The following EEFSEC variants were observed in gnomAD, a reference collection of about 807,000 sequenced individuals.
EEFSEC encodes the protein selenocysteine-specific elongation factor.
EEFSEC carries 43 observed loss-of-function variants against 42.1 expected under a neutral mutation model. The observed-to-expected ratio is 1.02, with a 90% CI of 0.80 to 1.32. The LOEUF (loss-of-function observed/expected upper bound fraction) is 1.32. Among genes scored for constraint, EEFSEC ranks in the 40% most tolerant of loss-of-function variants. EEFSEC has a pLI of 0.00. For synonymous variants in EEFSEC, 354 were observed against 339.1 expected (o/e 1.04, Z -0.48); for missense variants, 745 against 803.6 (o/e 0.93, Z 0.88).
chr3:128,384,941 C>T (rs1291698957), intron 6 of EEFSEC, among the ~76,000 whole-genome samples: 2 of 152,180 alleles, frequency 1.3e-5, no homozygotes, highest in Admixed American at 6.5e-5. Flanking sequence ...CCCCCAGTTG[C>T]CCCCTGCTAT....
intron 1 of EEFSEC, among the ~76,000 whole-genome samples, chr3:128,237,051 T>C (rs1474828539): frequency 6.6e-6 from 1 of 152,252 alleles, no homozygotes; most frequent in African/African-American, 2.4e-5. Context: ...GTAAACGTGC[T>C]GCGTGTGAAC....
intron 4 of EEFSEC, among the ~76,000 whole-genome samples, chr3:128,296,582 C>T (rs943151750): frequency 8.5e-5 from 13 of 152,162 alleles, no homozygotes; most frequent in African/African-American, 2.2e-4. Flanking sequence ...TGTGTCTCCT[C>T]GTCATCCGCA....
intron 6 of EEFSEC, among the ~76,000 whole-genome samples, chr3:128,405,346 G>A (rs980802726): frequency 3.3e-5 from 5 of 152,144 alleles, no homozygotes; most frequent in South Asian, 4.1e-4. Context: ...GCCAGTGCAC[G>A]ATGCTCTCAC....
At chr3:128,197,155 T>A (rs1263607081) in intron 1 of EEFSEC, among the ~76,000 whole-genome samples, 2 of 152,210 alleles carry the variant, frequency 1.3e-5, no homozygotes, top group Non-Finnish European at 2.9e-5. Flanking sequence ...GTTGTTTAGG[T>A]TGTTTCTGAT....
chr3:128,377,752 A>T (rs1402218635), intron 6 of EEFSEC, among the ~76,000 whole-genome samples: 1 of 152,274 alleles, frequency 6.6e-6, no homozygotes, highest in Non-Finnish European at 1.5e-5. Context: ...AAATGAAAAC[A>T]TCACAGACAT....
chr3:128,415,884 G>A, the EEFSEC span, among the ~76,000 whole-genome samples: 580 of 152,322 alleles, frequency 3.8e-3, 2 homozygotes, highest in African/African-American at 0.012. Context: ...GGCAGGGGAG[G>A]GGTTGGTCCT....
At chr3:128,254,144 G>T (rs1474293210) in intron 2 of EEFSEC, among the ~76,000 whole-genome samples, 1 of 152,180 alleles carries the variant, frequency 6.6e-6, no homozygotes, top group Non-Finnish European at 1.5e-5. Flanking sequence ...TTTGCTTTGT[G>T]TCGGAGTTAA....
At chr3:128,182,874 A>C (rs2065423400) in intron 1 of EEFSEC, among the ~76,000 whole-genome samples, 1 of 44,684 alleles carries the variant, frequency 2.2e-5, no homozygotes. Flanking sequence ...CCAGCCACAG[A>C]GATCGGGGCG....
At chr3:128,399,868 G>A (rs1702136) in intron 6 of EEFSEC, among the ~76,000 whole-genome samples, 51,306 of 151,882 alleles carry the variant, frequency 0.34, 9,951 homozygotes, top group African/African-American at 0.52. Context: ...CTCCGGGCCC[G>A]GGCTGCCCTG....
intron 6 of EEFSEC, among the ~76,000 whole-genome samples, chr3:128,374,598 T>C (rs146424684): frequency 6.6e-6 from 1 of 152,246 alleles, no homozygotes; most frequent in African/African-American, 2.4e-5. Flanking sequence ...AAAGGCACAC[T>C]GAATAAAAGA....
rs2067622882 is a variant in EEFSEC, at chr3:128,369,002, C to A, written c.1600+10629C>A. On this transcript the variant is annotated intron_variant, in intron 6 of 6. Coordinates refer to ENST00000254730, the MANE Select transcript of EEFSEC (RefSeq NM_021937.5). Reference sequence around the variant, plus strand: ...TGAAATCTTCCCATTCTCAGTTGGGCCACAATGTGTGGTCTCTGTGTTGGC... The same window carrying A: ...TGAAATCTTCCCATTCTCAGTTGGGACACAATGTGTGGTCTCTGTGTTGGC... Among the ~76,000 whole-genome samples, 3 of 152,232 alleles carry A rather than the reference C, an allele frequency of 2.0e-5. No individual in the cohort carries two copies. The South Asian group carries it at 6.2e-4, about 32-fold the overall frequency.
At chr3:128,291,086 T>C (rs1214901214) in intron 4 of EEFSEC, among the ~76,000 whole-genome samples, 3 of 152,158 alleles carry the variant, frequency 2.0e-5, no homozygotes, top group Admixed American at 6.6e-5. Flanking sequence ...ATACTTCTTT[T>C]ATAAACCTAT....
intron 6 of EEFSEC, among the ~76,000 whole-genome samples, chr3:128,405,559 C>A (rs527666719): frequency 6.6e-6 from 1 of 152,348 alleles, no homozygotes; most frequent in East Asian, 1.9e-4. Context: ...GGGTGGCCAA[C>A]ATCTTCAGGA....
At chr3:128,281,838 C>T (rs1378095635) in intron 4 of EEFSEC, among the ~76,000 whole-genome samples, 2 of 152,196 alleles carry the variant, frequency 1.3e-5, no homozygotes, top group Admixed American at 1.3e-4. Context: ...TTGCACTCTC[C>T]GGTTCTCAGC....
rs2066671676 is a variant in EEFSEC, at chr3:128,293,679, A to AAACAAAAAAC, written c.786+28900_786+28901insCAAAAAACAA. Among the ~76,000 whole-genome samples, 4 of 133,448 alleles carry AAACAAAAAAC rather than the reference A, an allele frequency of 3.0e-5. 1 individual carries two copies. Among genetic ancestry groups the AAACAAAAAAC allele is most frequent in the Non-Finnish European group, 3.2e-5 (2 of 63,432 alleles). 87.5% of individuals were successfully genotyped at this position (133,448 alleles called of 152,430 possible). On this transcript the variant is annotated intron_variant, in intron 4 of 6. Coordinates refer to ENST00000254730, the MANE Select transcript of EEFSEC (RefSeq NM_021937.5). ...CTATCTCAAAAAAAAAAAAAAAAAAAAAAAAAAACTTCCCTTATAGGATCA... is the reference window on the plus strand; with the variant it reads ...CTATCTCAAAAAAAAAAAAAAAAAAAAACAAAAAACAAAAAAAACTTCCCTTATAGGATCA...
At chr3:128,222,022 A>T (rs2065864662) in intron 1 of EEFSEC, among the ~76,000 whole-genome samples, 1 of 147,674 alleles carries the variant, frequency 6.8e-6, no homozygotes. Flanking sequence ...GTGTTTTTTC[A>T]AAGTTTTTTT....
intron 4 of EEFSEC, among the ~76,000 whole-genome samples, chr3:128,318,922 C>G (rs777855323): frequency 3.9e-5 from 6 of 152,166 alleles, no homozygotes; most frequent in Non-Finnish European, 8.8e-5. Flanking sequence ...GGTTTTTACC[C>G]CATTGTACCA....
intron 4 of EEFSEC, among the ~76,000 whole-genome samples, chr3:128,312,821 C>T (rs148617277): frequency 1.4e-4 from 21 of 152,350 alleles, no homozygotes; most frequent in Non-Finnish European, 2.8e-4. Flanking sequence ...AACCATTTAG[C>T]TGTATCTTTT....
At chr3:128,315,200 A>G (rs1321049228) in intron 4 of EEFSEC, among the ~76,000 whole-genome samples, 1 of 152,228 alleles carries the variant, frequency 6.6e-6, no homozygotes, top group Non-Finnish European at 1.5e-5. Flanking sequence ...GTGGGGGATA[A>G]TAAGAGTACC....
Sources: gnomAD v4.1 joint callset for allele counts (sites outside exome capture counted in the v4.1 genomes callset) on GRCh38, gnomAD v4.1.1 for gene constraint, MANE v1.5 for transcripts, NCBI Gene and HGNC (gene_info 2026-07-23, HGNC 2026-07-21) for gene names.